RIF1: variants seen among roughly 807,000 people sequenced by gnomAD.
RIF1 encodes telomere-associated protein RIF1.
A neutral mutation model predicts 247.1 loss-of-function variants in RIF1; 45 were observed. The ratio of observed to expected loss-of-function variants is 0.18; its 90% CI spans 0.14 to 0.23. The LOEUF (loss-of-function observed/expected upper bound fraction) is 0.23. RIF1 is among the 10% of genes least tolerant of loss of function. The probability of loss-of-function intolerance (pLI) is 1.00; values close to 1 mark genes in which losing one functional copy is unlikely to be tolerated. For missense variants in RIF1, 2,967 were observed against 2,862.5 expected (o/e 1.04, Z -0.83); for synonymous variants, 1,087 against 978.8 (o/e 1.11, Z -2.06).
At chr2:151,514,763 T>A in the RIF1 span, 3 of 1,213,434 alleles carry the variant, frequency 2.5e-6, no homozygotes, top group Non-Finnish European at 2.4e-6. Context: ...TTAATGAGTG[T>A]CACTAGTGCA....
chr2:151,502,775 T>C lies in RIF1; in HGVS notation c.*710-259T>C. 1 of 1,404,420 alleles carries C rather than the reference T, an allele frequency of 7.1e-7. No homozygotes were observed. The highest frequency in any genetic ancestry group is 1.0e-6 in the Non-Finnish European group (1 of 994,548). 87.0% of individuals were successfully genotyped at this position (1,404,420 alleles called of 1,614,324 possible). A position where few individuals can be genotyped will look rare whatever the true frequency, so the allele number is the denominator to read the frequency against. On this transcript the variant is annotated intron_variant and NMD_transcript_variant, in intron 11 of 13. Coordinates refer to the RIF1 transcript ENST00000454583. ...TAAAATTAAGGGATTTTTTTTTTTT[T>C]GGCCCCCTAAGAAATACCGAGCTAA...
At chr2:151,492,564 T>A in intron 9 of RIF1, 1 of 1,142,742 alleles carries the variant, frequency 8.8e-7, no homozygotes, top group Non-Finnish European at 1.3e-6. Flanking sequence ...TTCCAGCAGA[T>A]AGAGATGGAT....
chr2:151,464,542 A>G lies in RIF1; in HGVS notation c.5022A>G (p.Leu1674=), dbSNP rs752706088. 3 of 1,611,688 alleles carry G rather than the reference A, an allele frequency of 1.9e-6. No individual in the cohort carries two copies. Among genetic ancestry groups the G allele is most frequent in the South Asian group, 1.1e-5 (1 of 90,434 alleles). The change falls in exon 30 of 36, where the codon CTA becomes CTG. Residue 1674 remains leucine (L), a synonymous_variant. Coordinates refer to ENST00000444746, the MANE Select transcript of RIF1 (RefSeq NM_018151.5). ...FTSLPVPESN[L]RTRNAIKRLH... ...GTCTACCTGTGCCAGAATCAAATCT[A>G]AGGACTAGAAATGCCATTAAGAGAT...
Position 151,428,880 on chromosome 2 carries a change from A to C in RIF1, c.883A>C (p.Ile295Leu). ...ACCCATGATTAAAAAGATAGCTTTT[A>C]TTGCTTGGAAGAGTTTAATAGATAA... is the stretch of plus-strand genomic sequence containing the variant. ...GAPMIKKIAF[I>L]AWKSLIDNFA... is the part of the protein sequence containing the mutation. Residue 295 changes from isoleucine to leucine, a missense_variant, in exon 9 of 36, where the codon ATT becomes CTT. Ile to Leu is a conservative substitution (Grantham distance 5, BLOSUM62 2). This residue lies in a region of RIF1 where 71 missense variants were observed against 132.9 expected (regional missense o/e 0.53). Coordinates refer to ENST00000444746, the MANE Select transcript of RIF1 (RefSeq NM_018151.5). The C allele has an allele frequency of 6.6e-7, 1 of 1,524,566 alleles. No homozygotes were observed. The highest frequency in any genetic ancestry group is 9.1e-7 in the Non-Finnish European group (1 of 1,098,872). 94.4% of individuals were successfully genotyped at this position (1,524,566 alleles called of 1,614,324 possible).
chr2:151,526,185 C>T, the RIF1 span: 14 of 1,613,928 alleles, frequency 8.7e-6, no homozygotes, highest in South Asian at 9.9e-5. Context: ...TGACAGTCTT[C>T]GCCAGCAGGA....
At position 151,426,168 on chromosome 2, in the gene RIF1, ATTTT is replaced by A. The variant is rs35001554; in HGVS notation, c.787-2595_787-2592del. Among the ~76,000 whole-genome samples, 396 of 58,210 alleles carry A rather than the reference ATTTT, an allele frequency of 6.8e-3. 4 individuals carry two copies. The East Asian group carries it at 0.082, about 12-fold the overall frequency. 38.2% of individuals were successfully genotyped at this position (58,210 alleles called of 152,430 possible). A position where few individuals can be genotyped will look rare whatever the true frequency, so the allele number is the denominator to read the frequency against. The stretch of plus-strand genomic sequence containing the variant: ...TTTTTCAGGATTGTTTTGGCTTTTA[ATTTT>A]TTTTTTTTTTTTTTTTTTTTGAGCT... On this transcript the variant is annotated intron_variant, in intron 8 of 35. Coordinates refer to ENST00000444746, the MANE Select transcript of RIF1 (RefSeq NM_018151.5).
intron 7 of RIF1, 42 bp downstream of exon 7, chr2:151,420,421 G>T: frequency 6.3e-7 from 1 of 1,584,260 alleles, no homozygotes; most frequent in Non-Finnish European, 8.6e-7. Flanking sequence ...ATACTGCATC[G>T]GAAGGTTCTG....
At chr2:151,422,888 C>G (rs1270322014) in intron 7 of RIF1, 62 bp from the exon 8 acceptor site, 6 of 856,562 alleles carry the variant, frequency 7.0e-6, no homozygotes, top group Middle Eastern at 5.4e-4. Flanking sequence ...TATTCCTAGA[C>G]TTTGGTATTG....
chr2:151,419,507 G>T (rs576286097), intron 6 of RIF1, among the ~76,000 whole-genome samples: 2 of 151,846 alleles, frequency 1.3e-5, no homozygotes, highest in Non-Finnish European at 2.9e-5. Flanking sequence ...TGTATTTTTA[G>T]AAGAGACAGG....
At position 151,490,397 on chromosome 2, in the gene RIF1, G is replaced by C. The variant is rs772073084; in HGVS notation, c.*416-4832G>C. 2 of 1,591,630 alleles carry C rather than the reference G, an allele frequency of 1.3e-6. No homozygotes were observed. The highest frequency in any genetic ancestry group is 1.7e-6 in the Non-Finnish European group (2 of 1,168,202). On this transcript the variant is annotated intron_variant and NMD_transcript_variant, in intron 9 of 13. Coordinates refer to the RIF1 transcript ENST00000454583. The stretch of plus-strand genomic sequence containing the variant: ...CTGTTGAGACTGCAAAGACACCCCC[G>C]TCGCTGTAAGTCGAAAGGTGGTGGT...
chr2:151,449,134 G>T (rs550793101), intron 20 of RIF1, among the ~76,000 whole-genome samples: 1 of 152,254 alleles, frequency 6.6e-6, no homozygotes, highest in South Asian at 2.1e-4. Flanking sequence ...AAATGGGTCT[G>T]TTCTTCCCTC....
intron 9 of RIF1, among the ~76,000 whole-genome samples, chr2:151,429,697 CTCTAGA>C (rs1689727125): frequency 1.3e-5 from 2 of 152,134 alleles, no homozygotes; most frequent in South Asian, 4.1e-4. Flanking sequence ...CTTTCAGGAT[CTCTAGA>C]AGAGTACCTA....
At chr2:151,529,153 T>G in the RIF1 span, 1 of 1,145,556 alleles carries the variant, frequency 8.7e-7, no homozygotes, top group Non-Finnish European at 1.3e-6. Flanking sequence ...AGAGGCCATG[T>G]GTCCTACAGA....
At chr2:151,501,555 C>A (rs2064579259) in intron 11 of RIF1, 2 of 804,760 alleles carry the variant, frequency 2.5e-6, no homozygotes, top group East Asian at 3.0e-5. Context: ...CCTAAAAAAA[C>A]AGCCTAAAAG....
the RIF1 span, chr2:151,518,264 A>T: frequency 7.8e-7 from 1 of 1,287,236 alleles, no homozygotes; most frequent in South Asian, 1.2e-5. Flanking sequence ...TTTTTTTCAC[A>T]TTGTACTGTG....
chr2:151,514,849 T>C, the RIF1 span: 3 of 1,585,398 alleles, frequency 1.9e-6, no homozygotes, highest in East Asian at 4.5e-5. Context: ...ATATTTGACA[T>C]GTAACAAAGC....
At chr2:151,453,808 C>T (rs1553488726) in intron 21 of RIF1, among the ~76,000 whole-genome samples, 4 of 152,160 alleles carry the variant, frequency 2.6e-5, no homozygotes, top group Non-Finnish European at 5.9e-5. Context: ...AGGTTAATTA[C>T]TAAATACTTA....
chr2:151,460,994 A>T, intron 26 of RIF1, 144 bp from the exon 27 acceptor site: 1 of 712,112 alleles, frequency 1.4e-6, no homozygotes, highest in Non-Finnish European at 2.4e-6. Context: ...GGAACATTGT[A>T]CTAATTTGTT....
chr2:151,501,663 A>G (rs1417852601), intron 11 of RIF1, among the ~76,000 whole-genome samples: 1 of 152,230 alleles, frequency 6.6e-6, no homozygotes, highest in African/African-American at 2.4e-5. Flanking sequence ...CACACACAGG[A>G]TGTCTGTCTC....
Sources: allele counts gnomAD v4.1 joint callset (sites outside exome capture counted in the v4.1 genomes callset), GRCh38; gene constraint gnomAD v4.1.1; regional missense constraint gnomAD v4.1.1; transcripts MANE v1.5; gene names NCBI Gene and HGNC (gene_info 2026-07-23, HGNC 2026-07-21).